Variants in NDUFS1 observed in about 807,000 individuals in gnomAD.
The protein encoded by NDUFS1 is NADH-ubiquinone oxidoreductase 75 kDa subunit, mitochondrial.
In NDUFS1, 61 loss-of-function variants were observed where a neutral mutation model predicts 84.4. That is an observed-to-expected ratio of 0.72 (90% CI 0.59 to 0.89). The LOEUF (loss-of-function observed/expected upper bound fraction) is 0.89, where lower values mean the gene tolerates loss of function less well. NDUFS1 is among the 40% of genes least tolerant of loss of function. The pLI is 0.00. For synonymous variants in NDUFS1, 275 were observed against 290.0 expected (o/e 0.95, Z 0.53); for missense variants, 891 against 890.0 (o/e 1.00, Z -0.01).
chr2:206,138,570 A>G lies in NDUFS1; in HGVS notation c.1307T>C (p.Val436Ala), dbSNP rs1691814148. Residue 436 changes from valine to alanine, a missense_variant, in exon 13 of 19, where the codon GTG becomes GCG. Physicochemically the swap from Val to Ala is moderately conservative, Grantham distance 64. Coordinates refer to ENST00000233190, the MANE Select transcript of NDUFS1 (RefSeq NM_005006.7). Reference sequence around the variant, plus strand: ...GTGGTCATATGTGTAAGTGAGGTCCACTGGACTGCCTATAAGGGCCACTTT... The same window carrying G: ...GTGGTCATATGTGTAAGTGAGGTCCGCTGGACTGCCTATAAGGGCCACTTT... Reference protein sequence around the residue: ...DLKVALIGSPVDLTYTYDHLG... With the variant: ...DLKVALIGSPADLTYTYDHLG... 1 of 1,614,014 alleles carries G rather than the reference A, an allele frequency of 6.2e-7. No individual in the cohort carries two copies. The highest frequency in any genetic ancestry group is 8.5e-7 in the Non-Finnish European group (1 of 1,179,874).
At chr2:206,126,031 A>T (rs997274707) in intron 18 of NDUFS1, among the ~76,000 whole-genome samples, 2 of 152,236 alleles carry the variant, frequency 1.3e-5, no homozygotes, top group African/African-American at 2.4e-5. Context: ...TTAGATAGAA[A>T]ATTAGTCAAA....
chr2:206,127,952 C>G lies in NDUFS1; in HGVS notation c.1729G>C (p.Ala577Pro). The change falls in exon 16 of 19, where the codon GCT (alanine) becomes CCT (proline). Residue 577 changes from alanine (A) to proline (P), a missense_variant. Transcript: ENST00000233190. ...GGGAGAATAACATCAGCTATGGGAG[C>G]CCCAACATCACCATGATGTCCTGCA... ...IYQGHHGDVG[A>P]PIADVILPGA... 6.2e-7 allele frequency: 1 copy of G among 1,614,004 alleles called. No homozygotes were observed. The highest frequency in any genetic ancestry group is 8.5e-7 in the Non-Finnish European group (1 of 1,180,006).
Position 206,117,008 on chromosome 2 carries a change from G to T in NDUFS1, c.*7177C>A, listed in dbSNP as rs1350473439. 2 of 151,928 alleles carry T rather than the reference G, an allele frequency of 1.3e-5. No individual in the cohort carries two copies. The highest frequency in any genetic ancestry group is 4.8e-5 in the African/African-American group (2 of 41,312). 9.4% of individuals were successfully genotyped at this position (151,928 alleles called of 1,614,324 possible). A position where few individuals can be genotyped will look rare whatever the true frequency, so the allele number is the denominator to read the frequency against. On this transcript the variant is annotated 3_prime_UTR_variant, in exon 19 of 19. Transcript: ENST00000233190. ...CACTTCAGCCTGGGCGACAAACTGA[G>T]ACTCCGTCTCAGAAAAAAAAAATAA...
chr2:206,140,770 C>T (rs904357806), intron 12 of NDUFS1, among the ~76,000 whole-genome samples: 3 of 151,986 alleles, frequency 2.0e-5, no homozygotes, highest in Non-Finnish European at 2.9e-5. Context: ...TGAGCCACCA[C>T]GCCCAGCCTA....
chr2:206,145,903 G>A (rs1306936762), intron 8 of NDUFS1, among the ~76,000 whole-genome samples: 1 of 152,178 alleles, frequency 6.6e-6, no homozygotes, highest in Non-Finnish European at 1.5e-5. Context: ...GATTTTACCA[G>A]CCTAAGTTTG....
Position 206,149,933 on chromosome 2 carries a change from TAAA to T in NDUFS1, c.154-11_154-9del, listed in dbSNP as rs568965659. 62,190 of 573,948 alleles carry T rather than the reference TAAA, an allele frequency of 0.11. 620 individuals are homozygous for T. The highest frequency in any genetic ancestry group is 0.14 in the African/African-American group (3,979 of 28,480). 35.6% of individuals were successfully genotyped at this position (573,948 alleles called of 1,614,324 possible). On this transcript the variant is annotated splice_polypyrimidine_tract_variant and intron_variant, in intron 3 of 18. Coordinates refer to ENST00000233190, the MANE Select transcript of NDUFS1 (RefSeq NM_005006.7). Reference sequence around the variant, plus strand: ...GCCAACCTTCTCACAAGCCTAGAAGTAAAAAAAAAAAAAAAAAAAAAAAAAGCA... The same window carrying T: ...GCCAACCTTCTCACAAGCCTAGAAGTAAAAAAAAAAAAAAAAAAAAAAGCA...
chr2:206,156,846 C>T (rs1243858277), intron 1 of NDUFS1, among the ~76,000 whole-genome samples: 7 of 152,154 alleles, frequency 4.6e-5, no homozygotes, highest in Non-Finnish European at 8.8e-5. Context: ...TGGTTCTTTA[C>T]TTATAGAGCA....
intron 8 of NDUFS1, among the ~76,000 whole-genome samples, chr2:206,145,457 A>G (rs761684614): frequency 1.2e-4 from 19 of 152,170 alleles, no homozygotes; most frequent in Non-Finnish European, 2.2e-4. Context: ...TTCCTGGCAC[A>G]GTAAGGAAGG....
intron 13 of NDUFS1, among the ~76,000 whole-genome samples, chr2:206,133,796 G>A (rs956102280): frequency 1.3e-5 from 2 of 152,094 alleles, no homozygotes; most frequent in South Asian, 2.1e-4. Context: ...TGGCCAACAC[G>A]GCGAAACCCC....
rs1054090305 is a variant in NDUFS1 at position 206,159,428 on chromosome 2, C to T, written c.-92G>A. On this transcript the variant is annotated 5_prime_UTR_variant, in exon 1 of 19. Transcript: ENST00000233190. Reference sequence around the variant, plus strand: ...AGGCCGGGTCGCTTATTCAATATGGCGGCCTCGGCTAACTCTGTCAGCCGG... The same window carrying T: ...AGGCCGGGTCGCTTATTCAATATGGTGGCCTCGGCTAACTCTGTCAGCCGG... The T allele has an allele frequency of 2.9e-5, 13 of 455,340 alleles. No individual in the cohort carries two copies. Among genetic ancestry groups the T allele is most frequent in the African/African-American group, 2.2e-4 (11 of 50,920 alleles). 28.2% of individuals were successfully genotyped at this position (455,340 alleles called of 1,614,324 possible).
At position 206,124,150 on chromosome 2, in the gene NDUFS1, T is replaced by G. The variant is rs1691190750; in HGVS notation, c.*35A>C. On this transcript the variant is annotated 3_prime_UTR_variant, in exon 19 of 19. Transcript: ENST00000233190. The stretch of plus-strand genomic sequence containing the variant: ...TCACTGCACTACAGTTGTCCATTAA[T>G]TATCTGCGGCAAAACTGGGATCCTA... The G allele has an allele frequency of 7.3e-7, 1 of 1,374,426 alleles. No individual in the cohort carries two copies. Among genetic ancestry groups the G allele is most frequent in the Non-Finnish European group, 1.0e-6 (1 of 961,474 alleles). 85.1% of individuals were successfully genotyped at this position (1,374,426 alleles called of 1,614,324 possible). A position where few individuals can be genotyped will look rare whatever the true frequency, so the allele number is the denominator to read the frequency against.
intron 2 of NDUFS1, 56 bp downstream of exon 2, chr2:206,153,561 TA>T: frequency 9.4e-7 from 1 of 1,059,756 alleles, no homozygotes; most frequent in Non-Finnish European, 1.5e-6. Flanking sequence ...CATAGACTTA[TA>T]AATTTACAAA....
At chr2:206,135,177 C>G (rs1691661508) in intron 13 of NDUFS1, among the ~76,000 whole-genome samples, 1 of 151,904 alleles carries the variant, frequency 6.6e-6, no homozygotes, top group Admixed American at 6.6e-5. Flanking sequence ...CGCCACCATG[C>G]CAAGCAAATT....
At position 206,130,156 on chromosome 2, in the gene NDUFS1, A is replaced by G; in HGVS notation, c.1640T>C (p.Leu547Pro). 1.9e-6 allele frequency: 3 copies of G among 1,614,178 alleles called. No individual in the cohort carries two copies. Among genetic ancestry groups the G allele is most frequent in the Non-Finnish European group, 1.7e-6 (2 of 1,180,006 alleles). The change falls in exon 15 of 19, where the codon CTC becomes CCC. Residue 547 changes from leucine (L) to proline (P), a missense_variant. Coordinates refer to ENST00000233190, the MANE Select transcript of NDUFS1 (RefSeq NM_005006.7). ...IRKNPPKVLF[L>P]LGADGGCITR... ...GATACAACCTCCATCTGCTCCCAGGAGAAACAGCACCTTGGGAGGGTTCTT... is the reference window on the plus strand; with the variant it reads ...GATACAACCTCCATCTGCTCCCAGGGGAAACAGCACCTTGGGAGGGTTCTT...
At chr2:206,133,363 C>T (rs1216772504) in intron 13 of NDUFS1, among the ~76,000 whole-genome samples, 1 of 152,134 alleles carries the variant, frequency 6.6e-6, no homozygotes, top group Non-Finnish European at 1.5e-5. Context: ...GAATAAAAAG[C>T]CTAGCAAATT....
Position 206,132,959 on chromosome 2 carries a change from C to A in NDUFS1, c.1539G>T (p.Met513Ile). 2 of 1,613,734 alleles carry A rather than the reference C, an allele frequency of 1.2e-6. No individual in the cohort carries two copies. The highest frequency in any genetic ancestry group is 2.2e-5 in the South Asian group (2 of 91,040). The change falls in exon 14 of 19, where the codon ATG becomes ATT. Residue 513 changes from methionine (M) to isoleucine (I), a missense_variant. Transcript: ENST00000233190. ...ACTCAACAAACCTATGAAGGATATTCATAACTTTCCAATCACCAGTAACAC... is the reference window on the plus strand; with the variant it reads ...ACTCAACAAACCTATGAAGGATATTAATAACTTTCCAATCACCAGTAACAC... ...TSGVTGDWKV[M>I]NILHRIASQV...
intron 12 of NDUFS1, 145 bp from the exon 13 acceptor site, chr2:206,138,759 C>G: frequency 2.1e-6 from 2 of 937,998 alleles, no homozygotes; most frequent in Non-Finnish European, 3.3e-6. Context: ...TACTACGTAC[C>G]TTTCAAAACA....
At chr2:206,154,409 TC>T (rs1353199635) in intron 1 of NDUFS1, among the ~76,000 whole-genome samples, 2 of 152,186 alleles carry the variant, frequency 1.3e-5, no homozygotes, top group Non-Finnish European at 2.9e-5. Context: ...GTTACTGACA[TC>T]TAGTGGGTAG....
chr2:206,133,208 T>A, intron 13 of NDUFS1, 103 bp from the exon 14 acceptor site: 1 of 913,936 alleles, frequency 1.1e-6, no homozygotes, highest in Non-Finnish European at 1.7e-6. Flanking sequence ...GTCTTAGGTG[T>A]AACATGAATG....
Sources: allele counts gnomAD v4.1 joint callset (sites outside exome capture counted in the v4.1 genomes callset), GRCh38; gene constraint gnomAD v4.1.1; transcripts MANE v1.5; gene names NCBI Gene and HGNC (gene_info 2026-07-23, HGNC 2026-07-21).